Variants in CERS6 observed in about 807,000 individuals in gnomAD.
The protein encoded by CERS6 is LAG1 homolog, ceramide synthase 6.
In CERS6, 26 loss-of-function variants were observed where a neutral mutation model predicts 56.8. The ratio of observed to expected loss-of-function variants is 0.46; its 90% confidence interval spans 0.34 to 0.63. The LOEUF is 0.63. Ranked by LOEUF, CERS6 falls within the 30% of genes least tolerant of loss-of-function variation. CERS6 has a pLI of 0.01. For missense variants in CERS6, 415 were observed against 467.5 expected (o/e 0.89, Z 1.04); for synonymous variants, 164 against 173.3 (o/e 0.95, Z 0.42).
At chr2:168,519,639 G>C (rs1028180649) in intron 1 of CERS6, among the ~76,000 whole-genome samples, 2 of 152,114 alleles carry the variant, frequency 1.3e-5, no homozygotes, top group African/African-American at 4.8e-5. Context: ...TGCAGTATTT[G>C]GTTTTCTGTT....
At chr2:168,469,440 G>A (rs936429308) in intron 1 of CERS6, among the ~76,000 whole-genome samples, 1 of 152,148 alleles carries the variant, frequency 6.6e-6, no homozygotes, top group Non-Finnish European at 1.5e-5. Context: ...CCACAATGCT[G>A]TATAACGACA....
At position 168,560,720 on chromosome 2, in the gene CERS6, T is replaced by C. The variant is rs1695772031; in HGVS notation, c.277-472T>C. Among the ~76,000 whole-genome samples the C allele has an allele frequency of 3.3e-5, 5 of 152,224 alleles. No individual in the cohort carries two copies. In the South Asian group the frequency reaches 1.0e-3, roughly 32 times the overall value. Reference sequence around the variant, plus strand: ...TAAATGAGGCACTTTAGGATTTTTTTCCATGCTTTTTGTCTCTACTACATT... The same window carrying C: ...TAAATGAGGCACTTTAGGATTTTTTCCCATGCTTTTTGTCTCTACTACATT... On this transcript the variant is annotated intron_variant, in intron 2 of 9. Transcript: ENST00000305747.
intron 4 of CERS6, among the ~76,000 whole-genome samples, chr2:168,657,745 C>T (rs1438854331): frequency 6.6e-6 from 1 of 152,246 alleles, no homozygotes; most frequent in Non-Finnish European, 1.5e-5. Flanking sequence ...GCGGGGCCCA[C>T]CAAGCCCACG....
chr2:168,641,381 G>A (rs773427834), intron 4 of CERS6, among the ~76,000 whole-genome samples: 5 of 152,098 alleles, frequency 3.3e-5, no homozygotes, highest in Admixed American at 6.6e-5. Flanking sequence ...TTTTCCTCTG[G>A]ACGTTAGCAA....
intron 5 of CERS6, 26 bp from the exon 6 acceptor site, chr2:168,694,933 A>G (rs746036412): frequency 1.3e-6 from 2 of 1,578,040 alleles, no homozygotes; most frequent in East Asian, 2.2e-5. Flanking sequence ...ACTACTAATC[A>G]TTCCTTTTTT....
At chr2:168,695,115 G>T (rs1487763719) in intron 6 of CERS6, 64 bp downstream of exon 6, 8 of 1,307,250 alleles carry the variant, frequency 6.1e-6, no homozygotes, top group Non-Finnish European at 7.7e-6. Context: ...TAGCAGGTGG[G>T]TTTAGACTCT....
intron 4 of CERS6, among the ~76,000 whole-genome samples, chr2:168,677,194 G>T (rs1426951246): frequency 1.3e-5 from 2 of 151,466 alleles, no homozygotes; most frequent in Admixed American, 1.3e-4. Context: ...AACAGGCCCT[G>T]GTGTGTGATG....
intron 8 of CERS6, among the ~76,000 whole-genome samples, chr2:168,727,915 A>C (rs991154091): frequency 3.3e-5 from 5 of 152,364 alleles, no homozygotes; most frequent in South Asian, 4.1e-4. Context: ...TACATCTATC[A>C]GCATTGTTTA....
At chr2:168,552,294 T>TA (rs905079430) in intron 2 of CERS6, among the ~76,000 whole-genome samples, 9 of 147,874 alleles carry the variant, frequency 6.1e-5, no homozygotes, top group Non-Finnish European at 1.3e-4. Context: ...CAAAAAAACT[T>TA]ACGGAGAATA....
chr2:168,658,070 C>T (rs1685536207), intron 4 of CERS6, among the ~76,000 whole-genome samples: 1 of 152,106 alleles, frequency 6.6e-6, no homozygotes, highest in Non-Finnish European at 1.5e-5. Flanking sequence ...AGTCTTGGTT[C>T]TGTTGTTTAC....
chr2:168,518,666 T>A (rs901818345), intron 1 of CERS6, among the ~76,000 whole-genome samples: 2 of 152,172 alleles, frequency 1.3e-5, no homozygotes, highest in Non-Finnish European at 2.9e-5. Context: ...AACCAATACC[T>A]CTCTGCCTAG....
At chr2:168,609,312 C>A (rs1684129224) in intron 3 of CERS6, among the ~76,000 whole-genome samples, 1 of 152,124 alleles carries the variant, frequency 6.6e-6, no homozygotes, top group Non-Finnish European at 1.5e-5. Flanking sequence ...TATAAGTTTA[C>A]AAACTTTAAA....
intron 5 of CERS6, among the ~76,000 whole-genome samples, chr2:168,692,148 G>C (rs1234490360): frequency 5.0e-4 from 76 of 152,112 alleles, no homozygotes; most frequent in Non-Finnish European, 2.9e-5. Context: ...ATAAGCAATA[G>C]AACATGGCAA....
At chr2:168,480,988 A>C (rs1462700204) in intron 1 of CERS6, among the ~76,000 whole-genome samples, 2 of 152,192 alleles carry the variant, frequency 1.3e-5, no homozygotes, top group African/African-American at 4.8e-5. Flanking sequence ...GTCCAGGCTT[A>C]CTGGTGCTAT....
intron 4 of CERS6, among the ~76,000 whole-genome samples, chr2:168,660,257 C>G (rs1170596476): frequency 6.6e-6 from 1 of 152,144 alleles, no homozygotes; most frequent in Non-Finnish European, 1.5e-5. Flanking sequence ...AATCTAAAAC[C>G]TAGCTTTACC....
rs553032983 is a variant in CERS6 at position 168,540,813 on chromosome 2, C to T, written c.171-6783C>T. 7.2e-5 allele frequency among the ~76,000 whole-genome samples: 11 copies of T among 152,180 alleles called. No homozygotes were observed. The East Asian group carries it at 1.9e-3, about 27-fold the overall frequency. ...ATATTTTCTTTTTATCTTTGGTTTT[C>T]ATCTGTTTGACTGTATTTTGTGTAG... On this transcript the variant is annotated intron_variant, in intron 1 of 9. Transcript: ENST00000305747.
chr2:168,589,055 T>C (rs1219296333), intron 3 of CERS6, among the ~76,000 whole-genome samples: 1 of 152,210 alleles, frequency 6.6e-6, no homozygotes. Flanking sequence ...TTAGTTCTTT[T>C]GGGTATATAG....
At chr2:168,729,986 C>G (rs1683474585) in intron 8 of CERS6, among the ~76,000 whole-genome samples, 1 of 152,164 alleles carries the variant, frequency 6.6e-6, no homozygotes, top group Non-Finnish European at 1.5e-5. Flanking sequence ...AAAAAACCAT[C>G]AATAAATATT....
At chr2:168,508,766 T>C (rs905128607) in intron 1 of CERS6, among the ~76,000 whole-genome samples, 13 of 152,072 alleles carry the variant, frequency 8.5e-5, no homozygotes, top group Non-Finnish European at 1.5e-5. Flanking sequence ...ATGTAGATGA[T>C]GGGTTGATGG....
Sources: allele counts gnomAD v4.1 joint callset (sites outside exome capture counted in the v4.1 genomes callset), GRCh38; gene constraint gnomAD v4.1.1; transcripts MANE v1.5; gene names NCBI Gene and HGNC (gene_info 2026-07-23, HGNC 2026-07-21).